The following DDX1 variants were observed in gnomAD, a reference collection of about 807,000 sequenced individuals.
The protein encoded by DDX1 is ATP-dependent RNA helicase DDX1.
A neutral mutation model predicts 108.7 loss-of-function variants in DDX1; 28 were observed. The observed-to-expected ratio is 0.26, with a 90% CI of 0.19 to 0.35. The LOEUF (loss-of-function observed/expected upper bound fraction) is 0.35, where lower values mean the gene tolerates loss of function less well. Among genes scored for constraint, DDX1 ranks in the 10% least tolerant of loss-of-function variants. The pLI, the probability that DDX1 is intolerant of heterozygous loss-of-function variation, is 1.00. For missense variants in DDX1, 710 were observed against 884.5 expected, an observed-to-expected ratio of 0.80 and a Z score of 2.50; for synonymous variants, 295 against 288.9, an observed-to-expected ratio of 1.02 and a Z score of -0.21.
At chr2:15,605,026 G>A (rs754732300) in intron 10 of DDX1, among the ~76,000 whole-genome samples, 17 of 152,190 alleles carry the variant, frequency 1.1e-4, no homozygotes, top group East Asian at 1.9e-4. Flanking sequence ...GATAAAGGAC[G>A]GTGGTAGAAT....
intron 1 of DDX1, 152 bp from the exon 2 acceptor site, chr2:15,594,993 T>C: frequency 1.9e-6 from 1 of 538,636 alleles, no homozygotes; most frequent in Non-Finnish European, 3.2e-6. Context: ...TCTCCAGAAC[T>C]TGTGCTCTTT....
At chr2:15,602,124 G>A (rs190220879) in intron 6 of DDX1, among the ~76,000 whole-genome samples, 18 of 152,270 alleles carry the variant, frequency 1.2e-4, no homozygotes, top group Admixed American at 9.2e-4. Flanking sequence ...AAATCAGGAC[G>A]AATATTGATG....
chr2:15,630,061 G>A lies in DDX1; in HGVS notation c.2043G>A (p.Val681=). 1 of 1,613,500 alleles carries A rather than the reference G, an allele frequency of 6.2e-7. No homozygotes were observed. The highest frequency in any genetic ancestry group is 8.5e-7 in the Non-Finnish European group (1 of 1,179,600). ...TTGAGCCGGATATAAAGGTACCAGT[G>A]GATGAATTTGATGGGAAAGTTACCT... The part of the protein sequence containing the change: ...SQVEPDIKVP[V]DEFDGKVTYG... The change falls in exon 25 of 26, where the codon GTG becomes GTA. Residue 681 remains valine (V), a synonymous_variant. Coordinates refer to ENST00000233084, the MANE Select transcript of DDX1 (RefSeq NM_004939.3).
At chr2:15,618,294 T>A in intron 16 of DDX1, 24 bp downstream of exon 16, 2 of 1,180,392 alleles carry the variant, frequency 1.7e-6, no homozygotes, top group Non-Finnish European at 2.5e-6. Context: ...CAATGCATCT[T>A]AAAATGCATG....
rs558780871 is a variant in DDX1 at position 15,602,757 on chromosome 2, G to A, written c.391+126G>A. On this transcript the variant is annotated intron_variant, in intron 7 of 25. Transcript: ENST00000233084. ...GCACGTCGCCCGGGCTGGAGGGCCC[G>A]GGCTGGAGGGCAGTGGTGCCATCTC... is the stretch of plus-strand genomic sequence containing the variant. 499 of 661,168 alleles carry A rather than the reference G, an allele frequency of 7.5e-4. 4 individuals are homozygous for A. In the South Asian group the frequency reaches 8.5e-3, roughly 11 times the overall value. 41.0% of individuals were successfully genotyped at this position (661,168 alleles called of 1,614,324 possible). A position where few individuals can be genotyped will look rare whatever the true frequency, so the allele number is the denominator to read the frequency against.
At chr2:15,593,124 G>C (rs976191317) in intron 1 of DDX1, among the ~76,000 whole-genome samples, 1 of 152,126 alleles carries the variant, frequency 6.6e-6, no homozygotes, top group African/African-American at 2.4e-5. Context: ...GTTTCACCAT[G>C]TTGGCCAGGC....
intron 15 of DDX1, among the ~76,000 whole-genome samples, chr2:15,617,563 G>A (rs1239984413): frequency 1.3e-5 from 2 of 152,100 alleles, no homozygotes; most frequent in African/African-American, 4.8e-5. Flanking sequence ...AAAATGTAAT[G>A]TCATAAGTAT....
rs780075692 is a variant in DDX1, at chr2:15,605,989, T to A, written c.665T>A (p.Met222Lys). The A allele has an allele frequency of 5.0e-6, 8 of 1,586,034 alleles. No individual in the cohort carries two copies. Among genetic ancestry groups the A allele is most frequent in the Admixed American group, 1.9e-5 (1 of 52,872 alleles). ...LGLAFEIPPH[M>K]KNQALFPACV... is the part of the protein sequence containing the mutation. ...CTGGCATTTGAAATACCACCACATA[T>A]GAAAAACCAAGCCCTCTTTCCTGCC... is the stretch of plus-strand genomic sequence containing the variant. The change falls in exon 11 of 26, where the codon ATG becomes AAG. Residue 222 changes from methionine (M) to lysine (K), a missense_variant. Met to Lys is a moderately conservative substitution (Grantham distance 95). Transcript: ENST00000233084.
chr2:15,619,999 G>T lies in DDX1; in HGVS notation c.1207-209G>T, dbSNP rs1381477915. 2.0e-5 allele frequency among the ~76,000 whole-genome samples: 3 copies of T among 152,256 alleles called. No homozygotes were observed. The East Asian group carries it at 5.8e-4, about 29-fold the overall frequency. Reference sequence around the variant, plus strand: ...TTTGTAGGGACGTGAGGAAGAGATGGCATGATTTCTATGTGACAGTGAGGG... The same window carrying T: ...TTTGTAGGGACGTGAGGAAGAGATGTCATGATTTCTATGTGACAGTGAGGG... On this transcript the variant is annotated intron_variant, in intron 16 of 25. Coordinates refer to ENST00000233084, the MANE Select transcript of DDX1 (RefSeq NM_004939.3).
At chr2:15,628,553 T>C (rs1290627232) in intron 21 of DDX1, 36 bp downstream of exon 21, 6 of 1,599,582 alleles carry the variant, frequency 3.8e-6, no homozygotes, top group African/African-American at 1.3e-5. Flanking sequence ...AGTGTGATTG[T>C]TACGGAATCT....
intron 6 of DDX1, 119 bp downstream of exon 6, chr2:15,599,835 C>T (rs1005189382): frequency 1.4e-6 from 1 of 712,974 alleles, no homozygotes. Flanking sequence ...AATTTAGTCA[C>T]TATCATTAAA....
At chr2:15,598,627 A>C (rs1487395939) in intron 5 of DDX1, among the ~76,000 whole-genome samples, 1 of 152,204 alleles carries the variant, frequency 6.6e-6, no homozygotes, top group Non-Finnish European at 1.5e-5. Context: ...AGTACTTCCT[A>C]ATAGCTACAT....
intron 13 of DDX1, 105 bp downstream of exon 13, chr2:15,607,418 A>ACAC: frequency 1.1e-6 from 1 of 915,356 alleles, no homozygotes; most frequent in Non-Finnish European, 1.7e-6. Context: ...GTGTGTATAC[A>ACAC]TAATACACGT....
At position 15,615,304 on chromosome 2, in the gene DDX1, T is replaced by TA. The variant is rs578123639; in HGVS notation, c.1018-1933dup. Among the ~76,000 whole-genome samples, 786 of 152,258 alleles carry TA rather than the reference T, an allele frequency of 5.2e-3. 8 individuals carry two copies. Among genetic ancestry groups the TA allele is most frequent in the African/African-American group, 0.018 (761 of 41,546 alleles). On this transcript the variant is annotated intron_variant, in intron 14 of 25. Transcript: ENST00000233084. ...ACAGGCTTTTCTGATCTAACTGACT[T>TA]AAAAAAACAAAACAAAACCCTGAGA...
At chr2:15,603,426 A>C (rs1210437360) in intron 8 of DDX1, 151 bp downstream of exon 8, 1 of 640,040 alleles carries the variant, frequency 1.6e-6, no homozygotes, top group African/African-American at 1.8e-5. Context: ...CCCTGTTCCA[A>C]AAAGGATTTG....
At position 15,618,983 on chromosome 2, in the gene DDX1, C is replaced by T. The variant is rs956875899; in HGVS notation, c.1206+713C>T. Among the ~76,000 whole-genome samples, 7 of 152,188 alleles carry T rather than the reference C, an allele frequency of 4.6e-5. No individual in the cohort carries two copies. The East Asian group carries it at 5.8e-4, about 13-fold the overall frequency. On this transcript the variant is annotated intron_variant, in intron 16 of 25. Transcript: ENST00000233084. ...GCCAGGCAGTGGAAGCAGACATCTC[C>T]GAACCTGTGGGGGCAAGGGAGGGCC...
intron 14 of DDX1, among the ~76,000 whole-genome samples, chr2:15,614,569 A>C (rs374699817): frequency 6.6e-6 from 1 of 152,182 alleles, no homozygotes; most frequent in Admixed American, 6.5e-5. Flanking sequence ...CTTTGTCCTC[A>C]TGAATGGGTT....
intron 18 of DDX1, among the ~76,000 whole-genome samples, chr2:15,622,615 G>C (rs1666031625): frequency 6.6e-6 from 1 of 152,106 alleles, no homozygotes; most frequent in Admixed American, 6.6e-5. Flanking sequence ...TTAAAGATTT[G>C]AACTCAGTTT....
rs763030008 is a variant in DDX1, at chr2:15,623,400, A to G, written c.1448-36A>G. The stretch of plus-strand genomic sequence containing the variant: ...GTATTCATGACAAGTTCAGATTGAA[A>G]TTCTGTTGGTTTTTGTTGTTGTTAT... On this transcript the variant is annotated intron_variant, in intron 18 of 25. Transcript: ENST00000233084. 5.0e-6 allele frequency: 8 copies of G among 1,607,108 alleles called. No homozygotes were observed. In the South Asian group the frequency reaches 8.8e-5, roughly 18 times the overall value.
Sources: allele counts gnomAD v4.1 joint callset (sites outside exome capture counted in the v4.1 genomes callset), GRCh38; gene constraint gnomAD v4.1.1; transcripts MANE v1.5; gene names NCBI Gene and HGNC (gene_info 2026-07-23, HGNC 2026-07-21).